Variants in FHIT observed in about 807,000 individuals in gnomAD.
FHIT encodes the protein fragile histidine triad diadenosine triphosphatase.
In FHIT, 19 loss-of-function variants were observed where a neutral mutation model predicts 17.9. That is an observed-to-expected ratio of 1.06 (90% CI 0.74 to 1.56). The LOEUF (loss-of-function observed/expected upper bound fraction) is 1.56. Ranked by LOEUF, FHIT falls within the 40% of genes most tolerant of loss-of-function variation. The pLI is 0.00. For synonymous variants in FHIT, 81 were observed against 69.7 expected, an observed-to-expected ratio of 1.16 and a Z score of -0.81; for missense variants, 248 against 189.2, an observed-to-expected ratio of 1.31 and a Z score of -1.82.
intron 5 of FHIT, among the ~76,000 whole-genome samples, chr3:60,508,114 T>G (rs1260665250): frequency 6.6e-6 from 1 of 152,172 alleles, no homozygotes; most frequent in African/African-American, 2.4e-5. Flanking sequence ...GCAGGGAATG[T>G]AGAGTGAAGA....
At chr3:59,773,255 G>T (rs534198658) in intron 8 of FHIT, among the ~76,000 whole-genome samples, 2 of 152,158 alleles carry the variant, frequency 1.3e-5, no homozygotes, top group East Asian at 3.9e-4. Flanking sequence ...TCACAGCCCC[G>T]GTGGGTGACC....
At chr3:60,540,141 G>C (rs935960726) in intron 4 of FHIT, among the ~76,000 whole-genome samples, 2 of 152,026 alleles carry the variant, frequency 1.3e-5, no homozygotes. Context: ...TAAAAACCCA[G>C]AAGAACAGGT....
At chr3:60,436,335 C>A (rs998084283) in intron 5 of FHIT, among the ~76,000 whole-genome samples, 21 of 152,094 alleles carry the variant, frequency 1.4e-4, no homozygotes, top group African/African-American at 4.8e-4. Flanking sequence ...CAGGTGTGAG[C>A]CACCACACCC....
At position 61,139,538 on chromosome 3, in the gene FHIT, G is replaced by C. The variant is rs149803803; in HGVS notation, c.-164+61079C>G. Among the ~76,000 whole-genome samples the C allele has an allele frequency of 2.3e-3, 343 of 151,712 alleles. 1 individual carries two copies. Among genetic ancestry groups the C allele is most frequent in the Non-Finnish European group, 4.0e-3 (274 of 67,932 alleles). The stretch of plus-strand genomic sequence containing the variant: ...AAAATAGTCTGCCTTTGAATTTTTA[G>C]CTCTCGGTGATAAGTAAACTACACT... On this transcript the variant is annotated intron_variant, in intron 2 of 9. Transcript: ENST00000492590.
intron 5 of FHIT, among the ~76,000 whole-genome samples, chr3:60,324,431 A>C (rs1370513177): frequency 6.6e-6 from 1 of 152,030 alleles, no homozygotes; most frequent in Admixed American, 6.6e-5. Flanking sequence ...AAAAATACAA[A>C]AAAATTAGCC....
intron 5 of FHIT, among the ~76,000 whole-genome samples, chr3:60,496,444 T>C (rs545120448): frequency 1.3e-5 from 2 of 152,200 alleles, no homozygotes; most frequent in Non-Finnish European, 2.9e-5. Context: ...AATCCAATAA[T>C]GTGGTACCAT....
At chr3:61,037,325 G>C (rs578132609) in intron 3 of FHIT, among the ~76,000 whole-genome samples, 17 of 152,206 alleles carry the variant, frequency 1.1e-4, no homozygotes, top group African/African-American at 3.9e-4. Flanking sequence ...TCCACCCAGG[G>C]AGTGTCGCTT....
chr3:60,608,749 T>G (rs975303339), intron 4 of FHIT, among the ~76,000 whole-genome samples: 2 of 152,162 alleles, frequency 1.3e-5, no homozygotes, highest in Admixed American at 1.3e-4. Flanking sequence ...AAATCCTAAA[T>G]TATGAACATC....
chr3:60,734,702 A>G (rs191678786), intron 4 of FHIT, among the ~76,000 whole-genome samples: 15 of 151,980 alleles, frequency 9.9e-5, no homozygotes, highest in Non-Finnish European at 1.8e-4. Context: ...ATAACTTCGA[A>G]TGGGAAAAGT....
Position 60,121,717 on chromosome 3 carries a change from C to CAAAAAA in FHIT, c.104-107566_104-107565insTTTTTT, listed in dbSNP as rs1705264994. On this transcript the variant is annotated intron_variant, in intron 5 of 9. Coordinates refer to ENST00000492590, the MANE Select transcript of FHIT (RefSeq NM_002012.4). ...AACAAACAAACAAAACAAACACACA[C>CAAAAAA]ACACACACACACACACACACACACA... is the stretch of plus-strand genomic sequence containing the variant. 7.0e-5 allele frequency among the ~76,000 whole-genome samples: 8 copies of CAAAAAA among 115,096 alleles called. No individual in the cohort carries two copies. In the East Asian group the frequency reaches 3.1e-3, roughly 45 times the overall value. The allele number at this position is 115,096 out of a possible 152,430, so 75.5% of individuals were successfully genotyped here.
intron 5 of FHIT, among the ~76,000 whole-genome samples, chr3:60,409,141 A>G (rs1204007573): frequency 6.6e-6 from 1 of 152,222 alleles, no homozygotes; most frequent in African/African-American, 2.4e-5. Flanking sequence ...ATGATAGTGT[A>G]TGTTACAAAA....
intron 5 of FHIT, among the ~76,000 whole-genome samples, chr3:60,198,958 A>G (rs1336066690): frequency 2.6e-5 from 4 of 152,176 alleles, no homozygotes; most frequent in Admixed American, 2.6e-4. Context: ...CCTCTCAGGT[A>G]ATGGGGAATG....
intron 5 of FHIT, among the ~76,000 whole-genome samples, chr3:60,507,460 A>G (rs1239491528): frequency 6.6e-6 from 1 of 152,192 alleles, no homozygotes; most frequent in African/African-American, 2.4e-5. Context: ...GGAAGCTAGC[A>G]AAGGTTTTTT....
At chr3:60,603,143 T>G (rs2038498479) in intron 4 of FHIT, among the ~76,000 whole-genome samples, 1 of 152,148 alleles carries the variant, frequency 6.6e-6, no homozygotes, top group African/African-American at 2.4e-5. Context: ...TCTCTCCTAG[T>G]GAATAACATC....
chr3:60,603,025 C>T (rs2038495761), intron 4 of FHIT, among the ~76,000 whole-genome samples: 1 of 152,144 alleles, frequency 6.6e-6, no homozygotes, highest in African/African-American at 2.4e-5. Context: ...TTTGCTACAG[C>T]AGCCCAAACA....
intron 4 of FHIT, among the ~76,000 whole-genome samples, chr3:60,570,790 T>G (rs951346048): frequency 6.9e-6 from 1 of 144,642 alleles, no homozygotes; most frequent in Non-Finnish European, 1.5e-5. Flanking sequence ...TATGGCACAG[T>G]GTTGACAAAT....
chr3:60,507,171 G>C (rs745517144), intron 5 of FHIT, among the ~76,000 whole-genome samples: 4 of 152,164 alleles, frequency 2.6e-5, no homozygotes, highest in Non-Finnish European at 5.9e-5. Context: ...AGCCCTTCTA[G>C]AAGAAGGGAT....
chr3:60,527,685 G>C (rs1032835986), intron 5 of FHIT, among the ~76,000 whole-genome samples: 5 of 152,142 alleles, frequency 3.3e-5, no homozygotes, highest in African/African-American at 1.2e-4. Context: ...GCCACTAACA[G>C]CAAAATGCCC....
intron 3 of FHIT, among the ~76,000 whole-genome samples, chr3:60,840,429 A>G (rs1472239545): frequency 1.3e-5 from 2 of 152,196 alleles, no homozygotes; most frequent in Non-Finnish European, 2.9e-5. Context: ...TGAACTTGAC[A>G]TGTGAATGAA....
Sources: allele counts gnomAD v4.1 joint callset (sites outside exome capture counted in the v4.1 genomes callset), GRCh38; gene constraint gnomAD v4.1.1; transcripts MANE v1.5; gene names NCBI Gene and HGNC (gene_info 2026-07-23, HGNC 2026-07-21).